The following ROR2 variants were observed in gnomAD, a reference collection of about 807,000 sequenced individuals.
ROR2 encodes the protein tyrosine-protein kinase transmembrane receptor ROR2.
Under a neutral mutation model 74.9 loss-of-function variants are expected in ROR2, and 33 were observed. The ratio of observed to expected loss-of-function variants is 0.44; its 90% confidence interval spans 0.33 to 0.59. ROR2 has a LOEUF of 0.59. Ranked by LOEUF, ROR2 falls within the 20% of genes least tolerant of loss-of-function variation. ROR2 has a pLI of 0.02. For synonymous variants in ROR2, 586 were observed against 558.7 expected, an observed-to-expected ratio of 1.05 and a Z score of -0.69; for missense variants, 1,216 against 1,313.8, an observed-to-expected ratio of 0.93 and a Z score of 1.15.
intron 1 of ROR2, among the ~76,000 whole-genome samples, chr9:91,789,515 T>C (rs144748673): frequency 2.6e-5 from 4 of 152,260 alleles, no homozygotes; most frequent in South Asian, 2.1e-4. Context: ...GATGGACTAA[T>C]AGCACATCAG....
intron 1 of ROR2, among the ~76,000 whole-genome samples, chr9:91,860,939 C>A (rs1829452078): frequency 6.6e-6 from 1 of 152,148 alleles, no homozygotes; most frequent in Admixed American, 6.5e-5. Context: ...ATACAAAAAT[C>A]ATTTGTATTT....
chr9:91,880,350 G>T (rs73519130), intron 1 of ROR2, among the ~76,000 whole-genome samples: 1 of 152,060 alleles, frequency 6.6e-6, no homozygotes, highest in Admixed American at 6.5e-5. Context: ...AGTCTGTGGT[G>T]CATTGTTACA....
At chr9:91,754,417 G>A (rs903308765) in intron 4 of ROR2, among the ~76,000 whole-genome samples, 4 of 152,124 alleles carry the variant, frequency 2.6e-5, no homozygotes, top group Admixed American at 6.5e-5. Flanking sequence ...AGCACTTTGG[G>A]AGGCCAAGGT....
In ROR2 at chr9:91,909,842, G is replaced by GTTTTTTTTTTTTTTTTTTTTTTTTTTTT. The variant is rs1232142986; in HGVS notation, c.97+40024_97+40025insAAAAAAAAAAAAAAAAAAAAAAAAAAAA. On this transcript the variant is annotated intron_variant, in intron 1 of 8. Transcript: ENST00000375708. ...TTTATTCTTTTTTTTTTTTAGGTTT[G>GTTTTTTTTTTTTTTTTTTTTTTTTTTTT]TTTTGTTTTTTTTTTTTTTTTTTTT... Among the ~76,000 whole-genome samples, 3 of 55,976 alleles carry GTTTTTTTTTTTTTTTTTTTTTTTTTTTT rather than the reference G, an allele frequency of 5.4e-5. 1 individual carries two copies. Among genetic ancestry groups the GTTTTTTTTTTTTTTTTTTTTTTTTTTTT allele is most frequent in the Non-Finnish European group, 3.2e-5 (1 of 31,704 alleles). 36.7% of individuals were successfully genotyped at this position (55,976 alleles called of 152,430 possible). A position where few individuals can be genotyped will look rare whatever the true frequency, so the allele number is the denominator to read the frequency against.
intron 4 of ROR2, among the ~76,000 whole-genome samples, chr9:91,748,780 C>T (rs940854641): frequency 7.2e-5 from 11 of 152,228 alleles, no homozygotes; most frequent in African/African-American, 2.7e-4. Context: ...CGCCTGCAAT[C>T]CCAGCATTTT....
intron 1 of ROR2, among the ~76,000 whole-genome samples, chr9:91,846,977 A>G: frequency 6.6e-6 from 1 of 152,186 alleles, no homozygotes; most frequent in Non-Finnish European, 1.5e-5. Flanking sequence ...ACCACAGGGT[A>G]CCGCATGGAT....
intron 1 of ROR2, among the ~76,000 whole-genome samples, chr9:91,914,291 A>C (rs1831068859): frequency 6.6e-6 from 1 of 152,186 alleles, no homozygotes; most frequent in Non-Finnish European, 1.5e-5. Flanking sequence ...GCAGAGTTTA[A>C]ACCTCCAGGA....
At chr9:91,781,174 T>C (rs1447623458) in intron 1 of ROR2, among the ~76,000 whole-genome samples, 4 of 152,196 alleles carry the variant, frequency 2.6e-5, no homozygotes, top group African/African-American at 7.2e-5. Flanking sequence ...GTTGTCCTCA[T>C]GTGAAGGTAT....
Position 91,723,834 on chromosome 9 carries a change from G to A in ROR2, c.2660C>T (p.Ala887Val). The A allele has an allele frequency of 1.2e-6, 2 of 1,614,000 alleles. No homozygotes were observed. Among genetic ancestry groups the A allele is most frequent in the East Asian group, 2.2e-5 (1 of 44,870 alleles). The change falls in exon 9 of 9, where the codon GCA (alanine) becomes GTA (valine). Residue 887 changes from alanine to valine, a missense_variant. Physicochemically the swap from Ala to Val is moderately conservative, Grantham distance 64. Transcript: ENST00000375708. ...ATCAGCGCCCTCTGAGAGCAGGGCT[G>A]CCCTGTCTGCCATGGATGTGTTGGA... is the stretch of plus-strand genomic sequence containing the variant. ...APSNTSMADR[A>V]ALLSEGADDT...
chr9:91,860,952 A>G (rs983172652), intron 1 of ROR2, among the ~76,000 whole-genome samples: 1 of 152,236 alleles, frequency 6.6e-6, no homozygotes, highest in African/African-American at 2.4e-5. Context: ...TTGTATTTCT[A>G]TATGCTAGCA....
In ROR2 at chr9:91,841,200, C is replaced by T. The variant is rs527677300; in HGVS notation, c.98-65382G>A. Reference sequence around the variant, plus strand: ...AATACAGAGGGATCTGCACGGATGACCTGGAACTTTGTGGGTGTTCACTCC... The same window carrying T: ...AATACAGAGGGATCTGCACGGATGATCTGGAACTTTGTGGGTGTTCACTCC... On this transcript the variant is annotated intron_variant, in intron 1 of 8. Transcript: ENST00000375708. Among the ~76,000 whole-genome samples the T allele has an allele frequency of 2.0e-5, 3 of 152,304 alleles. No individual in the cohort carries two copies. The South Asian group carries it at 6.2e-4, about 32-fold the overall frequency.
intron 1 of ROR2, among the ~76,000 whole-genome samples, chr9:91,850,277 T>C (rs1829049927): frequency 1.3e-5 from 2 of 152,258 alleles, no homozygotes; most frequent in South Asian, 2.1e-4. Flanking sequence ...TTTCCTAATA[T>C]AGTGTGGAAG....
chr9:91,909,657 C>T (rs1178993865), intron 1 of ROR2, among the ~76,000 whole-genome samples: 6 of 150,632 alleles, frequency 4.0e-5, no homozygotes, highest in Non-Finnish European at 7.4e-5. Context: ...CGGCCCCAGG[C>T]TCCTATGTTT....
intron 1 of ROR2, among the ~76,000 whole-genome samples, chr9:91,784,101 G>C (rs554904512): frequency 6.6e-5 from 10 of 152,164 alleles, no homozygotes; most frequent in Admixed American, 2.0e-4. Context: ...CACCATGCTT[G>C]ACCTGTCCAC....
At chr9:91,848,850 C>A (rs899996656) in intron 1 of ROR2, among the ~76,000 whole-genome samples, 7 of 150,902 alleles carry the variant, frequency 4.6e-5, no homozygotes, top group Non-Finnish European at 1.0e-4. Flanking sequence ...GAGTTGGGAA[C>A]ATGTTTATAC....
rs7042581 is a variant in ROR2 at position 91,726,308 on chromosome 9, A to G, written c.1386+233T>C. ...ACAGGGGCAGCATGGTCCAGGCAGA[A>G]GGAGGCCCATGGACTCTGGGGCAGT... On this transcript the variant is annotated intron_variant, in intron 8 of 8. Coordinates refer to ENST00000375708, the MANE Select transcript of ROR2 (RefSeq NM_004560.4). Among the ~76,000 whole-genome samples, 5,642 of 152,234 alleles carry G rather than the reference A, an allele frequency of 0.037. 339 individuals are homozygous for G. Among genetic ancestry groups the G allele is most frequent in the African/African-American group, 0.13 (5,312 of 41,508 alleles).
intron 1 of ROR2, among the ~76,000 whole-genome samples, chr9:91,817,724 G>A (rs1190066742): frequency 6.6e-6 from 1 of 152,160 alleles, no homozygotes; most frequent in Non-Finnish European, 1.5e-5. Context: ...GGCCCCATCT[G>A]GTATCCATGG....
chr9:91,932,638 T>G (rs1398446437), intron 1 of ROR2, among the ~76,000 whole-genome samples: 1 of 150,490 alleles, frequency 6.6e-6, no homozygotes, highest in Non-Finnish European at 1.5e-5. Context: ...CACTCCAGCC[T>G]GGGCAACTGA....
chr9:91,924,345 G>A (rs745585879), intron 1 of ROR2, among the ~76,000 whole-genome samples: 3 of 152,206 alleles, frequency 2.0e-5, no homozygotes, highest in African/African-American at 7.2e-5. Flanking sequence ...GGTGTCCATC[G>A]GGTCTCAGTC....
Sources: allele counts gnomAD v4.1 joint callset (sites outside exome capture counted in the v4.1 genomes callset), GRCh38; gene constraint gnomAD v4.1.1; transcripts MANE v1.5; gene names NCBI Gene and HGNC (gene_info 2026-07-23, HGNC 2026-07-21).